DOCK3: variants seen among roughly 807,000 people sequenced by gnomAD.
DOCK3 encodes dedicator of cytokinesis 3.
Under a neutral mutation model 265.6 loss-of-function variants are expected in DOCK3, and 60 were observed. The observed-to-expected ratio is 0.23, with a 90% CI of 0.18 to 0.28. DOCK3 has a LOEUF of 0.28. Among genes scored for constraint, DOCK3 ranks in the 10% least tolerant of loss-of-function variants. The pLI, the probability that DOCK3 is intolerant of heterozygous loss-of-function variation, is 1.00. For missense variants in DOCK3, 1,981 were observed against 2,594.3 expected (o/e 0.76, Z 5.14); for synonymous variants, 881 against 938.0 (o/e 0.94, Z 1.11).
chr3:51,148,599 A>G (rs1323913097), intron 10 of DOCK3, among the ~76,000 whole-genome samples: 1 of 152,210 alleles, frequency 6.6e-6, no homozygotes, highest in Non-Finnish European at 1.5e-5. Context: ...TTACATAGGG[A>G]ATCCTTTCCC....
chr3:50,740,007 C>T (rs890316465), intron 1 of DOCK3, among the ~76,000 whole-genome samples: 4 of 152,110 alleles, frequency 2.6e-5, no homozygotes. Context: ...TCTTTCATCT[C>T]TATTTCTCCT....
intron 5 of DOCK3, among the ~76,000 whole-genome samples, chr3:51,002,839 A>AT (rs746884909): frequency 5.0e-4 from 76 of 152,216 alleles, no homozygotes; most frequent in Non-Finnish European, 9.1e-4. Context: ...TTGTTATGAC[A>AT]TTTTTTTCTT....
chr3:50,735,813 G>A (rs953899335), intron 1 of DOCK3, among the ~76,000 whole-genome samples: 7 of 152,104 alleles, frequency 4.6e-5, no homozygotes, highest in African/African-American at 7.2e-5. Flanking sequence ...ATGGTTCTGC[G>A]GCTATACAGG....
At chr3:51,191,671 T>C (rs1201684151) in intron 12 of DOCK3, among the ~76,000 whole-genome samples, 1 of 152,046 alleles carries the variant, frequency 6.6e-6, no homozygotes, top group Non-Finnish European at 1.5e-5. Context: ...TTCTTTAAGC[T>C]TTCCTGTTCA....
At chr3:50,985,021 C>T (rs182106466) in intron 5 of DOCK3, among the ~76,000 whole-genome samples, 5 of 152,074 alleles carry the variant, frequency 3.3e-5, no homozygotes, top group South Asian at 4.2e-4. Context: ...CCATGGATAC[C>T]GAGGGATGAC....
chr3:50,754,219 T>G (rs1452709172), intron 1 of DOCK3, among the ~76,000 whole-genome samples: 2 of 150,824 alleles, frequency 1.3e-5, no homozygotes, highest in Non-Finnish European at 1.5e-5. Flanking sequence ...CTGCGTGTTT[T>G]CACTTATAAG....
intron 3 of DOCK3, among the ~76,000 whole-genome samples, chr3:50,885,121 T>C (rs1014247626): frequency 6.6e-5 from 10 of 152,194 alleles, no homozygotes; most frequent in Non-Finnish European, 1.3e-4. Context: ...TTTTCTAGAA[T>C]ATCATATAGG....
chr3:50,835,778 G>A (rs2045472444), intron 2 of DOCK3, among the ~76,000 whole-genome samples: 1 of 152,142 alleles, frequency 6.6e-6, no homozygotes, highest in South Asian at 2.1e-4. Flanking sequence ...AAACCTTATG[G>A]AACAAGACAG....
intron 2 of DOCK3, among the ~76,000 whole-genome samples, chr3:50,792,230 G>A (rs2042516891): frequency 6.6e-6 from 1 of 151,748 alleles, no homozygotes; most frequent in South Asian, 2.1e-4. Context: ...CAGTGAATGA[G>A]ATTCTGTTCC....
chr3:51,003,916 A>G (rs1245330011), intron 5 of DOCK3, among the ~76,000 whole-genome samples: 1 of 152,214 alleles, frequency 6.6e-6, no homozygotes, highest in Non-Finnish European at 1.5e-5. Flanking sequence ...TAAAGTAAAA[A>G]CAACAAAACA....
intron 9 of DOCK3, among the ~76,000 whole-genome samples, chr3:51,122,999 T>C (rs2084100123): frequency 6.6e-6 from 1 of 152,196 alleles, no homozygotes; most frequent in African/African-American, 2.4e-5. Context: ...CTTTAAAGCA[T>C]AAAAGACCCA....
chr3:50,814,585 T>A (rs1037368669), intron 2 of DOCK3, among the ~76,000 whole-genome samples: 2 of 152,114 alleles, frequency 1.3e-5, no homozygotes, highest in Non-Finnish European at 2.9e-5. Flanking sequence ...TATTATGAAC[T>A]TAACCATAGA....
rs1576611797 is a variant in DOCK3 at position 51,271,769 on chromosome 3, C to T, written c.2548+762C>T. ...AGGAGTCTGAGGCAGGAGAATTGCT[C>T]GAACCCAGGAGGCGGAGGTGGCAGT... On this transcript the variant is annotated intron_variant, in intron 24 of 52. Transcript: ENST00000266037. Among the ~76,000 whole-genome samples the T allele has an allele frequency of 2.7e-5, 4 of 150,776 alleles. No homozygotes were observed. The Admixed American group carries it at 2.7e-4, about 10-fold the overall frequency.
chr3:51,034,037 T>C (rs1384184324), intron 5 of DOCK3, among the ~76,000 whole-genome samples: 1 of 152,196 alleles, frequency 6.6e-6, no homozygotes, highest in Non-Finnish European at 1.5e-5. Flanking sequence ...TCGTTCTTAG[T>C]AGCTCAGACT....
intron 9 of DOCK3, among the ~76,000 whole-genome samples, chr3:51,111,901 A>G (rs952354049): frequency 2.6e-5 from 4 of 152,350 alleles, no homozygotes; most frequent in African/African-American, 9.6e-5. Context: ...AAGGACATGT[A>G]CAGTCACTTT....
intron 9 of DOCK3, among the ~76,000 whole-genome samples, chr3:51,123,520 G>A (rs907542642): frequency 3.3e-5 from 5 of 152,290 alleles, no homozygotes; most frequent in African/African-American, 1.2e-4. Flanking sequence ...ATGTAGTAAG[G>A]ATACATAGCT....
chr3:51,202,637 A>G (rs2088873540), intron 12 of DOCK3, among the ~76,000 whole-genome samples: 1 of 152,186 alleles, frequency 6.6e-6, no homozygotes, highest in Non-Finnish European at 1.5e-5. Flanking sequence ...CAAACAATAG[A>G]AAAAGAGGGA....
intron 5 of DOCK3, among the ~76,000 whole-genome samples, chr3:50,994,769 G>A (rs905546794): frequency 6.6e-6 from 1 of 152,148 alleles, no homozygotes; most frequent in Non-Finnish European, 1.5e-5. Flanking sequence ...AGATTACCCA[G>A]GGAGAAAGTG....
At chr3:51,299,767 T>G (rs183900468) in intron 27 of DOCK3, among the ~76,000 whole-genome samples, 38 of 152,326 alleles carry the variant, frequency 2.5e-4, no homozygotes, top group Admixed American at 2.5e-3. Context: ...GTTTCATTGG[T>G]CTATGTGTTT....
Sources: allele counts gnomAD v4.1 joint callset (sites outside exome capture counted in the v4.1 genomes callset), GRCh38; gene constraint gnomAD v4.1.1; transcripts MANE v1.5; gene names NCBI Gene and HGNC (gene_info 2026-07-23, HGNC 2026-07-21).